TRIM28: variants seen among roughly 807,000 people sequenced by gnomAD.
TRIM28 encodes tripartite motif containing 28.
A neutral mutation model predicts 87.4 loss-of-function variants in TRIM28; 8 were observed. That is an observed-to-expected ratio of 0.09 (90% CI 0.05 to 0.17). TRIM28 has a LOEUF of 0.17. Ranked by LOEUF, TRIM28 falls within the 10% of genes least tolerant of loss-of-function variation. TRIM28 has a pLI of 1.00. For synonymous variants in TRIM28, 601 were observed against 454.3 expected (o/e 1.32, Z -4.11); for missense variants, 968 against 1,131.8 (o/e 0.86, Z 2.08).
In TRIM28 at chr19:58,548,901, G is replaced by C; in HGVS notation, c.1400G>C (p.Gly467Ala). ...PYSSAEPHVSGVKRSRSGEGE... is the reference protein window; with the variant it reads ...PYSSAEPHVSAVKRSRSGEGE... Reference sequence around the variant, plus strand: ...TCAAGTGCAGAGCCCCATGTGTCAGGTGTGAAACGGTAAGTATGGCACCTC... The same window carrying C: ...TCAAGTGCAGAGCCCCATGTGTCAGCTGTGAAACGGTAAGTATGGCACCTC... Residue 467 changes from glycine to alanine, a missense_variant, in exon 11 of 17, where the codon GGT (glycine) becomes GCT (alanine). Gly to Ala is a moderately conservative substitution (Grantham distance 60). This residue lies in a region of TRIM28 where 119 missense variants were observed against 93.6 expected (regional missense o/e 1.27). Transcript: ENST00000253024. 6.2e-7 allele frequency: 1 copy of C among 1,614,114 alleles called. No homozygotes were observed. Among genetic ancestry groups the C allele is most frequent in the South Asian group, 1.1e-5 (1 of 91,088 alleles).
In TRIM28 at chr19:58,550,556, C is replaced by T; in HGVS notation, c.*3C>T. On this transcript the variant is annotated 3_prime_UTR_variant, in exon 17 of 17. Coordinates refer to ENST00000253024, the MANE Select transcript of TRIM28 (RefSeq NM_005762.3). ...GTGGCCCTGGTGATGGCCCCTGAGG[C>T]TGGAGCCCCCATGGCCAGCCCAGCC... The T allele has an allele frequency of 6.2e-7, 1 of 1,603,992 alleles. No individual in the cohort carries two copies. The highest frequency in any genetic ancestry group is 8.5e-7 in the Non-Finnish European group (1 of 1,179,160).
rs1382161495 is a variant in TRIM28 at position 58,549,252 on chromosome 19, C to A, written c.1662+12C>A. On this transcript the variant is annotated intron_variant, in intron 12 of 16. Coordinates refer to ENST00000253024, the MANE Select transcript of TRIM28 (RefSeq NM_005762.3). The surrounding 1 kb of genome is among the most constrained non-coding windows in gnomAD (Gnocchi z 4.4). ...TGGCCATTGTCAAGGTAAGCCTGTC[C>A]CAAGGAACTATAGCTGTAGGATGAA... The A allele has an allele frequency of 6.2e-7, 1 of 1,610,996 alleles. No homozygotes were observed. Among genetic ancestry groups the A allele is most frequent in the Non-Finnish European group, 8.5e-7 (1 of 1,177,992 alleles).
Position 58,545,483 on chromosome 19 carries a change from T to C in TRIM28, c.399T>C (p.Tyr133=), listed in dbSNP as rs760166305. 1.2e-5 allele frequency: 20 copies of C among 1,612,748 alleles called. No homozygotes were observed. Among genetic ancestry groups the C allele is most frequent in the Non-Finnish European group, 1.4e-5 (17 of 1,179,884 alleles). ...QCFSKDIVEN[Y]FMRDSGSKAA... ...TCTCCAAAGACATCGTGGAGAATTA[T>C]TTCATGCGTGATAGTGGCAGCAAGG... is the stretch of plus-strand genomic sequence containing the variant. The change falls in exon 2 of 17, where the codon TAT becomes TAC. Residue 133 remains tyrosine, a synonymous_variant. Coordinates refer to ENST00000253024, the MANE Select transcript of TRIM28 (RefSeq NM_005762.3).
At chr19:58,546,027 G>C in intron 3 of TRIM28, 131 bp downstream of exon 3, 16 of 1,167,462 alleles carry the variant, frequency 1.4e-5, no homozygotes, top group East Asian at 2.5e-5. Flanking sequence ...GGGCCCGAGG[G>C]CAGAACTCCA....
chr19:58,547,491 C>G lies in TRIM28; in HGVS notation c.702C>G (p.Leu234=). 6.2e-7 allele frequency: 1 copy of G among 1,614,010 alleles called. No individual in the cohort carries two copies. The highest frequency in any genetic ancestry group is 1.3e-5 in the African/African-American group (1 of 75,054). ...CTCTCACCTGCCGAGACTGCCAGCT[C>G]AATGCCCACAAGGACCACCAGTGAG... ...CDTLTCRDCQ[L]NAHKDHQYQF... The change falls in exon 4 of 17, where the codon CTC becomes CTG. Residue 234 remains leucine, a synonymous_variant. Transcript: ENST00000253024.
At chr19:58,546,509 C>G (rs2053762440) in intron 3 of TRIM28, among the ~76,000 whole-genome samples, 1 of 152,116 alleles carries the variant, frequency 6.6e-6, no homozygotes, top group African/African-American at 2.4e-5. Context: ...GTGATTCTTC[C>G]CATCCCAGAG....
In TRIM28 at chr19:58,549,320, C is replaced by T. The variant is rs186955251; in HGVS notation, c.1663-11C>T. On this transcript the variant is annotated splice_polypyrimidine_tract_variant and intron_variant, in intron 12 of 16. Coordinates refer to ENST00000253024, the MANE Select transcript of TRIM28 (RefSeq NM_005762.3). This position sits in a 1 kb window ranked among gnomAD's most constrained non-coding sequence, Gnocchi z 4.4. ...GGACCCTGTTGAACACCCCTCATCA[C>T]CACCTTGCAGGAGGAGGAGACGGAG... The T allele has an allele frequency of 7.0e-5, 110 of 1,568,632 alleles. No homozygotes were observed. The African/African-American group carries it at 1.3e-3, about 19-fold the overall frequency.
intron 16 of TRIM28, 23 bp downstream of exon 16, chr19:58,550,307 C>G: frequency 6.2e-7 from 1 of 1,613,854 alleles, no homozygotes; most frequent in Non-Finnish European, 8.5e-7. Context: ...AATGGAGAGG[C>G]TGTGGGCAGG....
At position 58,548,600 on chromosome 19, in the gene TRIM28, G is replaced by T. The variant is rs1568661646; in HGVS notation, c.1323+8G>T. 1 of 1,612,778 alleles carries T rather than the reference G, an allele frequency of 6.2e-7. No individual in the cohort carries two copies. The highest frequency in any genetic ancestry group is 8.5e-7 in the Non-Finnish European group (1 of 1,179,576). On this transcript the variant is annotated splice_region_variant and intron_variant, in intron 9 of 16. Coordinates refer to ENST00000253024, the MANE Select transcript of TRIM28 (RefSeq NM_005762.3). ...GGCTCTGGCAGCAGCCAGGTGAGCA[G>T]GAGAGAGGACCCAGGAAGGGGTGGG...
rs139716078 is a variant in TRIM28, at chr19:58,546,690, A to G, written c.587-686A>G. On this transcript the variant is annotated intron_variant, in intron 3 of 16. Transcript: ENST00000253024. ...AGTTTCCCCAATGAGCCCTGATGCT[A>G]CATATTTTGGATTTGGTTGGTATGT... is the stretch of plus-strand genomic sequence containing the variant. Among the ~76,000 whole-genome samples the G allele has an allele frequency of 3.3e-5, 5 of 152,304 alleles. No individual in the cohort carries two copies. The East Asian group carries it at 9.6e-4, about 29-fold the overall frequency.
rs1040487824 is a variant in TRIM28 at position 58,548,521 on chromosome 19, A to G, written c.1252A>G (p.Thr418Ala). 6.2e-7 allele frequency: 1 copy of G among 1,613,980 alleles called. No homozygotes were observed. The highest frequency in any genetic ancestry group is 1.3e-5 in the African/African-American group (1 of 75,016). Residue 418 changes from threonine (T) to alanine (A), a missense_variant, in exon 9 of 17, where the codon ACA becomes GCA. This residue lies in a region of TRIM28 where 119 missense variants were observed against 93.6 expected (regional missense o/e 1.27). Coordinates refer to ENST00000253024, the MANE Select transcript of TRIM28 (RefSeq NM_005762.3). The part of the protein sequence containing the change: ...IVAERPGTNS[T>A]GPAPMAPPRA... ...GGCAGAGCGTCCTGGCACTAACTCA[A>G]CAGGCCCTGCACCCATGGCCCCTCC...
intron 10 of TRIM28, 30 bp from the exon 11 acceptor site, chr19:58,548,832 C>T (rs771194126): frequency 1.2e-6 from 2 of 1,614,104 alleles, no homozygotes; most frequent in South Asian, 2.2e-5. Context: ...TCTACCCCAA[C>T]CTGCCAGTCT....
chr19:58,548,631 A>C, intron 9 of TRIM28, 39 bp downstream of exon 9: 1 of 1,450,956 alleles, frequency 6.9e-7, no homozygotes, highest in Non-Finnish European at 9.3e-7. Flanking sequence ...GTGGGCAGGG[A>C]ATGGGGTCCA....
At chr19:58,546,975 G>A (rs2053766538) in intron 3 of TRIM28, among the ~76,000 whole-genome samples, 2 of 147,912 alleles carry the variant, frequency 1.4e-5, no homozygotes, top group South Asian at 2.1e-4. Flanking sequence ...CATGAAAGGA[G>A]AAGAAAAGGA....
In TRIM28 at chr19:58,549,075, T is replaced by G. The variant is rs1262209860; in HGVS notation, c.1497T>G (p.Ala499=). Residue 499 remains alanine (A), a synonymous_variant, in exon 12 of 17, where the codon GCT becomes GCG. Transcript: ENST00000253024. This position sits in a 1 kb window ranked among gnomAD's most constrained non-coding sequence, Gnocchi z 4.4. ...SLERLDLDLT[A]DSQPPVFKVF... is the part of the protein sequence containing the mutation. ...AACGCCTGGACCTGGACCTCACAGC[T>G]GACAGCCAGCCACCCGTCTTCAAGG... 1.2e-6 allele frequency: 2 copies of G among 1,613,950 alleles called. No homozygotes were observed. The highest frequency in any genetic ancestry group is 2.7e-5 in the African/African-American group (2 of 74,918).
intron 8 of TRIM28, 37 bp from the exon 9 acceptor site, chr19:58,548,449 T>C (rs2053780856): frequency 6.2e-7 from 1 of 1,614,028 alleles, no homozygotes. Flanking sequence ...TTACCCCACG[T>C]GCTGCACCTA....
chr19:58,550,645 G>T lies in TRIM28; in HGVS notation c.*92G>T, dbSNP rs2053809815. 2.3e-6 allele frequency: 3 copies of T among 1,309,024 alleles called. No individual in the cohort carries two copies. Among genetic ancestry groups the T allele is most frequent in the Admixed American group, 2.4e-5 (1 of 41,092 alleles). The allele number at this position is 1,309,024 out of a possible 1,614,324, so 81.1% of individuals were successfully genotyped here. A position where few individuals can be genotyped will look rare whatever the true frequency, so the allele number is the denominator to read the frequency against. ...CCTGGTGGCCTGACTCCCACTCCCTGGTGGCCCCATCCCCCAGTTCCTCAC... is the reference window on the plus strand; with the variant it reads ...CCTGGTGGCCTGACTCCCACTCCCTTGTGGCCCCATCCCCCAGTTCCTCAC... On this transcript the variant is annotated 3_prime_UTR_variant, in exon 17 of 17. Transcript: ENST00000253024.
At position 58,548,560 on chromosome 19, in the gene TRIM28, C is replaced by T; in HGVS notation, c.1291C>T (p.Pro431Ser). The change falls in exon 9 of 17, where the codon CCC becomes TCC. Residue 431 changes from proline (P) to serine (S), a missense_variant. Transcript: ENST00000253024. ...APMAPPRAPGPLSKQGSGSSQ... is the reference protein window; with the variant it reads ...APMAPPRAPGSLSKQGSGSSQ... Reference sequence around the variant, plus strand: ...CATGGCCCCTCCAAGAGCCCCAGGGCCCCTGAGCAAGCAGGGCTCTGGCAG... The same window carrying T: ...CATGGCCCCTCCAAGAGCCCCAGGGTCCCTGAGCAAGCAGGGCTCTGGCAG... The T allele has an allele frequency of 1.9e-6, 3 of 1,613,784 alleles. No individual in the cohort carries two copies. Among genetic ancestry groups the T allele is most frequent in the Non-Finnish European group, 2.5e-6 (3 of 1,179,958 alleles).
At position 58,547,482 on chromosome 19, in the gene TRIM28, C is replaced by T; in HGVS notation, c.693C>T (p.Asp231=). The T allele has an allele frequency of 6.2e-7, 1 of 1,614,084 alleles. No homozygotes were observed. ...CESCDTLTCR[D]CQLNAHKDHQ... is the part of the protein sequence containing the mutation. ...GCTGTGATACTCTCACCTGCCGAGA[C>T]TGCCAGCTCAATGCCCACAAGGACC... Residue 231 remains aspartate, a synonymous_variant, in exon 4 of 17, where the codon GAC becomes GAT. Coordinates refer to ENST00000253024, the MANE Select transcript of TRIM28 (RefSeq NM_005762.3).
Sources: allele counts gnomAD v4.1 joint callset (sites outside exome capture counted in the v4.1 genomes callset), GRCh38; gene constraint gnomAD v4.1.1; regional missense constraint gnomAD v4.1.1; non-coding constraint Gnocchi (gnomAD v3.1); transcripts MANE v1.5; gene names NCBI Gene and HGNC (gene_info 2026-07-23, HGNC 2026-07-21).